Variants in GPC4 observed in about 807,000 individuals in gnomAD.
GPC4 encodes the protein glypican-4.
A neutral mutation model predicts 35.0 loss-of-function variants in GPC4; 10 were observed. The observed-to-expected ratio is 0.29, with a 90% confidence interval of 0.18 to 0.48. The LOEUF is 0.48. Ranked by LOEUF, GPC4 falls within the 20% of genes least tolerant of loss-of-function variation. GPC4 has a pLI of 0.99. For missense variants in GPC4, 322 were observed against 451.3 expected (o/e 0.71, Z 2.60); for synonymous variants, 167 against 170.2 (o/e 0.98, Z 0.15).
At chrX:133,379,111 A>T (rs1274146687) in intron 1 of GPC4, among the ~76,000 whole-genome samples, 1 of 112,441 alleles carries the variant, frequency 8.9e-6, no homozygotes, top group African/African-American at 3.2e-5. Flanking sequence ...AGAAAACTGA[A>T]AACAGGTGTT....
At chrX:133,305,082 C>A (rs1057047813) in intron 6 of GPC4, among the ~76,000 whole-genome samples, 7 of 111,522 alleles carry the variant, frequency 6.3e-5, no homozygotes, top group Non-Finnish European at 5.7e-5. Context: ...TGGCCTAGAC[C>A]CCTTGCCCAC....
rs186769410 is a variant in GPC4 at position 133,310,367 on chromosome X, G to T, written c.877+891C>A. Among the ~76,000 whole-genome samples the T allele has an allele frequency of 4.3e-3, 483 of 111,967 alleles. 6 individuals carry two copies. Among genetic ancestry groups the T allele is most frequent in the African/African-American group, 0.015 (464 of 30,844 alleles). On this transcript the variant is annotated intron_variant, in intron 4 of 8. Transcript: ENST00000370828. ...CGGTCCTACTAATACTCAGCATAAGGAACTTCAACACTGGTTACTGTTGCT... is the reference window on the plus strand; with the variant it reads ...CGGTCCTACTAATACTCAGCATAAGTAACTTCAACACTGGTTACTGTTGCT...
intron 2 of GPC4, among the ~76,000 whole-genome samples, chrX:133,333,056 G>A (rs779331149): frequency 2.0e-4 from 22 of 112,339 alleles, no homozygotes; most frequent in African/African-American, 7.1e-4. Flanking sequence ...GAAGATGGGT[G>A]TGGACAATGA....
intron 1 of GPC4, among the ~76,000 whole-genome samples, chrX:133,358,554 G>A (rs2068552244): frequency 8.9e-6 from 1 of 112,022 alleles, no homozygotes; most frequent in African/African-American, 3.2e-5. Flanking sequence ...TGGAAATTTA[G>A]ACTGTCTAAG....
At chrX:133,360,336 G>A (rs2068561551) in intron 1 of GPC4, among the ~76,000 whole-genome samples, 1 of 111,429 alleles carries the variant, frequency 9.0e-6, no homozygotes. Flanking sequence ...AATAGATTAA[G>A]GTTCAGTGTG....
intron 7 of GPC4, among the ~76,000 whole-genome samples, chrX:133,304,311 C>CA (rs758667611): frequency 9.1e-6 from 1 of 109,543 alleles, no homozygotes; most frequent in Non-Finnish European, 1.9e-5. Flanking sequence ...AACAAGCAAA[C>CA]AAAAAAAAGT....
At position 133,384,594 on chromosome X, in the gene GPC4, C is replaced by T. The variant is rs781365888; in HGVS notation, c.160+30212G>A. ...TCTGTGAAGCATTTCTGGAAGGCTC[C>T]AGAAGGCTCAGGCCCCGGGCTATAG... On this transcript the variant is annotated intron_variant, in intron 1 of 8. Transcript: ENST00000370828. Among the ~76,000 whole-genome samples the T allele has an allele frequency of 3.6e-5, 4 of 111,148 alleles. No homozygotes were observed. The Admixed American group carries it at 3.9e-4, about 11-fold the overall frequency.
At position 133,302,978 on chromosome X, in the gene GPC4, C is replaced by G; in HGVS notation, c.1560G>C (p.Gly520=). The G allele has an allele frequency of 8.3e-7, 1 of 1,211,561 alleles. No homozygotes were observed. The highest frequency in any genetic ancestry group is 2.2e-5 in the Admixed American group (1 of 45,980). Residue 520 remains glycine (G), a synonymous_variant, in exon 9 of 9, where the codon GGG becomes GGC. Coordinates refer to ENST00000370828, the MANE Select transcript of GPC4 (RefSeq NM_001448.3). ...TGTCGGCTTTCTCATTGGCACTCTT[C>G]CCAGCATGGTCAGTGGCATTGTAGT... ...EFDYNATDHA[G]KSANEKADSA... is the part of the protein sequence containing the mutation.
At chrX:133,304,702 A>G (rs749948971) in intron 7 of GPC4, 23 bp downstream of exon 7, 2 of 1,209,153 alleles carry the variant, frequency 1.7e-6, no homozygotes, top group Admixed American at 4.4e-5. Flanking sequence ...GAGAAACTTC[A>G]AATTCATTCA....
At position 133,303,287 on chromosome X, in the gene GPC4, C is replaced by T; in HGVS notation, c.1347G>A (p.Glu449=). Residue 449 remains glutamate, a synonymous_variant, in exon 8 of 9, where the codon GAG becomes GAA. Coordinates refer to ENST00000370828, the MANE Select transcript of GPC4 (RefSeq NM_001448.3). ...NGLANQGNNP[E]VQVDTSKPDI... ...CTGGTTTGCTGGTGTCAACCTGGAC[C>T]TCTGGGTTGTTGCCCTGGTTGGCTA... 2 of 1,210,783 alleles carry T rather than the reference C, an allele frequency of 1.7e-6. No homozygotes were observed. The highest frequency in any genetic ancestry group is 2.2e-6 in the Non-Finnish European group (2 of 894,735).
intron 1 of GPC4, among the ~76,000 whole-genome samples, chrX:133,366,474 A>T (rs758478486): frequency 8.9e-6 from 1 of 111,800 alleles, no homozygotes; most frequent in African/African-American, 3.2e-5. Flanking sequence ...AGCTTGTGAG[A>T]CTCTGTGGGC....
intron 1 of GPC4, among the ~76,000 whole-genome samples, chrX:133,359,350 G>A (rs1046750303): frequency 7.2e-5 from 8 of 110,791 alleles, no homozygotes; most frequent in Non-Finnish European, 1.3e-4. Flanking sequence ...TTATATTGGC[G>A]GGGGAGGTGG....
At chrX:133,371,823 G>A (rs1354658750) in intron 1 of GPC4, among the ~76,000 whole-genome samples, 1 of 111,443 alleles carries the variant, frequency 9.0e-6, no homozygotes, top group Non-Finnish European at 1.9e-5. Context: ...TACTTCTCAG[G>A]ACGTTCTAAG....
chrX:133,312,657 GAAGGA>G (rs368140128), intron 3 of GPC4, among the ~76,000 whole-genome samples: 120 of 101,848 alleles, frequency 1.2e-3, no homozygotes, highest in Non-Finnish European at 1.7e-3. Context: ...AAGAAAGGAA[GAAGGA>G]AAGGAAAGGA....
At chrX:133,403,865 T>G (rs2068775937) in intron 1 of GPC4, among the ~76,000 whole-genome samples, 1 of 109,953 alleles carries the variant, frequency 9.1e-6, no homozygotes, top group African/African-American at 3.3e-5. Context: ...CCCAGCTAAT[T>G]TTTGTGTTTT....
intron 3 of GPC4, among the ~76,000 whole-genome samples, chrX:133,323,403 C>A (rs2068375664): frequency 8.9e-6 from 1 of 111,839 alleles, no homozygotes; most frequent in South Asian, 3.8e-4. Flanking sequence ...TTGCTTGAGC[C>A]CCGGAGGTGG....
chrX:133,353,027 A>G (rs765109125), intron 1 of GPC4, among the ~76,000 whole-genome samples: 1 of 112,150 alleles, frequency 8.9e-6, no homozygotes, highest in Non-Finnish European at 1.9e-5. Flanking sequence ...TTTGTCAGCA[A>G]GTGACACAGA....
chrX:133,361,263 C>T, intron 1 of GPC4, among the ~76,000 whole-genome samples: 1 of 111,777 alleles, frequency 8.9e-6, no homozygotes, highest in East Asian at 2.8e-4. Context: ...TTTCTTCTAC[C>T]TGAGTGTGAT....
chrX:133,346,692 T>C (rs1301456928), intron 1 of GPC4, among the ~76,000 whole-genome samples: 1 of 112,089 alleles, frequency 8.9e-6, no homozygotes, highest in Non-Finnish European at 1.9e-5. Flanking sequence ...ATAAACAAAA[T>C]GTGGTCTACT....
Sources: allele counts gnomAD v4.1 joint callset (sites outside exome capture counted in the v4.1 genomes callset), GRCh38; gene constraint gnomAD v4.1.1; transcripts MANE v1.5; gene names NCBI Gene and HGNC (gene_info 2026-07-23, HGNC 2026-07-21).